GLIS3: variants seen among roughly 807,000 people sequenced by gnomAD.
GLIS3 encodes the protein GLIS family zinc finger 3, also known as zinc finger protein GLIS3.
A neutral mutation model predicts 78.6 loss-of-function variants in GLIS3; 53 were observed. The observed-to-expected ratio is 0.67, with a 90% CI of 0.54 to 0.85. The LOEUF is 0.85. Among genes scored for constraint, GLIS3 ranks in the 40% least tolerant of loss-of-function variants. The pLI, the probability that GLIS3 is intolerant of heterozygous loss-of-function variation, is 0.00. For synonymous variants in GLIS3, 684 were observed against 509.9 expected (o/e 1.34, Z -4.60); for missense variants, 1,703 against 1,231.1 (o/e 1.38, Z -5.74).
At chr9:4,073,523 G>A (rs932997656) in intron 4 of GLIS3, among the ~76,000 whole-genome samples, 4 of 152,180 alleles carry the variant, frequency 2.6e-5, no homozygotes, top group African/African-American at 7.2e-5. Flanking sequence ...GACACTCAGG[G>A]TGGGACAGGT....
intron 2 of GLIS3, among the ~76,000 whole-genome samples, chr9:4,191,284 G>A (rs185797635): frequency 2.0e-5 from 3 of 152,244 alleles, no homozygotes; most frequent in African/African-American, 7.2e-5. Flanking sequence ...GTATTTAGGA[G>A]TTTTCTTCTT....
chr9:4,308,605 C>A (rs1438030737), intron 4 of GLIS3, among the ~76,000 whole-genome samples: 1 of 152,066 alleles, frequency 6.6e-6, no homozygotes, highest in Non-Finnish European at 1.5e-5. Flanking sequence ...GCTGGGTTCT[C>A]CTTAGAATAC....
At chr9:4,092,088 A>T (rs1829559090) in intron 4 of GLIS3, among the ~76,000 whole-genome samples, 1 of 152,134 alleles carries the variant, frequency 6.6e-6, no homozygotes, top group Non-Finnish European at 1.5e-5. Context: ...CTTAGGCTAC[A>T]CTAAATCTAT....
intron 4 of GLIS3, among the ~76,000 whole-genome samples, chr9:3,989,897 G>A (rs1820081722): frequency 6.6e-6 from 1 of 152,116 alleles, no homozygotes; most frequent in Admixed American, 6.5e-5. Context: ...ACAAAACTGA[G>A]GAAGCCTGAA....
intron 2 of GLIS3, among the ~76,000 whole-genome samples, chr9:4,332,624 G>A (rs780792546): frequency 6.6e-6 from 1 of 152,230 alleles, no homozygotes; most frequent in Admixed American, 6.5e-5. Context: ...TCTTAGGGCA[G>A]ACAACAGTAT....
chr9:4,313,956 A>G (rs192623570), intron 2 of GLIS3, among the ~76,000 whole-genome samples: 1 of 152,378 alleles, frequency 6.6e-6, no homozygotes, highest in Non-Finnish European at 1.5e-5. Flanking sequence ...ACTGAAGTCC[A>G]GAAAGAGTCA....
intron 2 of GLIS3, among the ~76,000 whole-genome samples, chr9:4,260,509 G>A (rs116197799): frequency 0.03 from 4,490 of 150,204 alleles, 219 homozygotes; most frequent in African/African-American, 0.1. Flanking sequence ...AGAGGTTGTA[G>A]TTAGCCAAGA....
chr9:3,896,213 C>A (rs1822818322), intron 7 of GLIS3, among the ~76,000 whole-genome samples: 1 of 152,172 alleles, frequency 6.6e-6, no homozygotes, highest in African/African-American at 2.4e-5. Context: ...ATTTCTAGAA[C>A]TTTAAAAGAA....
chr9:4,349,346 C>T (rs1817933367), upstream of GLIS3, among the ~76,000 whole-genome samples: 1 of 152,190 alleles, frequency 6.6e-6, no homozygotes, highest in African/African-American at 2.4e-5. Flanking sequence ...GCATTTGACT[C>T]TTCTAAATGC....
chr9:4,076,691 A>T (rs183518923), intron 4 of GLIS3, among the ~76,000 whole-genome samples: 2 of 152,306 alleles, frequency 1.3e-5, no homozygotes, highest in African/African-American at 4.8e-5. Flanking sequence ...TAAAAAATGA[A>T]TGTTTCTGTG....
chr9:4,432,759 G>C, the GLIS3 span, among the ~76,000 whole-genome samples: 1 of 149,820 alleles, frequency 6.7e-6, no homozygotes, highest in Non-Finnish European at 1.5e-5. Context: ...TCCTGCCTCA[G>C]CCTCCCGAGT....
intron 4 of GLIS3, among the ~76,000 whole-genome samples, chr9:3,991,790 A>C (rs1473335801): frequency 3.5e-5 from 5 of 144,724 alleles, no homozygotes; most frequent in Non-Finnish European, 7.4e-5. Flanking sequence ...TCCCGGCTTC[A>C]TGCCATTCTC....
At chr9:4,362,899 T>C in the GLIS3 span, among the ~76,000 whole-genome samples, 2 of 151,792 alleles carry the variant, frequency 1.3e-5, no homozygotes, top group Non-Finnish European at 2.9e-5. Flanking sequence ...AGGTAGAATT[T>C]GAGGAGTTAG....
At chr9:3,838,244 AAATG>A (rs1176521055) in intron 9 of GLIS3, among the ~76,000 whole-genome samples, 2 of 152,160 alleles carry the variant, frequency 1.3e-5, no homozygotes, top group African/African-American at 4.8e-5. Context: ...TTGACTGAAT[AAATG>A]TAAGGAAATC....
intron 5 of GLIS3, among the ~76,000 whole-genome samples, chr9:3,935,651 T>C (rs182131473): frequency 6.6e-5 from 10 of 152,304 alleles, no homozygotes; most frequent in Non-Finnish European, 7.4e-5. Context: ...TAATGACGAA[T>C]TGGAAAGTTT....
intron 2 of GLIS3, among the ~76,000 whole-genome samples, chr9:4,313,019 T>C (rs1034790050): frequency 4.6e-5 from 7 of 152,236 alleles, no homozygotes; most frequent in Non-Finnish European, 7.3e-5. Flanking sequence ...CTTTTTCCAG[T>C]CTTGTGGCTT....
At chr9:4,199,748 CATT>C (rs1819196044) in intron 2 of GLIS3, among the ~76,000 whole-genome samples, 1 of 152,030 alleles carries the variant, frequency 6.6e-6, no homozygotes, top group Non-Finnish European at 1.5e-5. Context: ...TTAGACAGAT[CATT>C]GAGGCAAAAA....
At chr9:3,886,282 T>C (rs1822065324) in intron 7 of GLIS3, among the ~76,000 whole-genome samples, 2 of 152,130 alleles carry the variant, frequency 1.3e-5, no homozygotes, top group African/African-American at 4.8e-5. Context: ...TTGTTCTATT[T>C]TTTTTATATG....
intron 7 of GLIS3, among the ~76,000 whole-genome samples, chr9:3,892,739 C>T (rs116017446): frequency 0.04 from 6,089 of 152,040 alleles, 146 homozygotes; most frequent in Middle Eastern, 0.065. Context: ...CCTTGGAAGG[C>T]AAATTCAGTT....
Sources: gnomAD v4.1 joint callset for allele counts (sites outside exome capture counted in the v4.1 genomes callset) on GRCh38, gnomAD v4.1.1 for gene constraint, MANE v1.5 for transcripts, NCBI Gene and HGNC (gene_info 2026-07-23, HGNC 2026-07-21) for gene names.